CHCHD6: variants seen among roughly 807,000 people sequenced by gnomAD.
CHCHD6 encodes the protein coiled-coil-helix-coiled-coil-helix domain containing 6, also known as MICOS complex subunit MIC25.
A neutral mutation model predicts 32.3 loss-of-function variants in CHCHD6; 28 were observed. The observed-to-expected ratio is 0.87, with a 90% confidence interval of 0.64 to 1.19. The LOEUF is 1.19. Ranked by LOEUF, CHCHD6 falls within the 50% of genes most tolerant of loss-of-function variation. The probability of loss-of-function intolerance (pLI) is 0.00; values close to 1 mark genes in which losing one functional copy is unlikely to be tolerated. For synonymous variants in CHCHD6, 122 were observed against 117.5 expected, an observed-to-expected ratio of 1.04 and a Z score of -0.25; for missense variants, 333 against 307.0, an observed-to-expected ratio of 1.08 and a Z score of -0.63.
intron 4 of CHCHD6, among the ~76,000 whole-genome samples, chr3:126,823,904 A>AACAAAAACAC (rs1553742964): frequency 6.6e-6 from 1 of 151,228 alleles, no homozygotes; most frequent in Non-Finnish European, 1.5e-5. Context: ...CAAAAACAAA[A>AACAAAAACAC]ACACACACAC....
rs2272487 is a variant in CHCHD6, at chr3:126,733,094, G to T, written c.283G>T (p.Ala95Ser). The T allele has an allele frequency of 0.19, 306,230 of 1,613,712 alleles. 31,771 individuals carry two copies. Among genetic ancestry groups the T allele is most frequent in the South Asian group, 0.35 (31,567 of 91,056 alleles). ...TCTGCACAGGTATGAACAGGAGCAT[G>T]CTGCTATCCAGGATAAGCTCTTCCA... ...EGVKRYEQEH[A>S]AIQDKLFQVA... is the part of the protein sequence containing the mutation. The change falls in exon 4 of 8, where the codon GCT becomes TCT. Residue 95 changes from alanine (A) to serine (S), a missense_variant. By Grantham distance (99) the Ala-to-Ser change is moderately conservative (BLOSUM62 1). Coordinates refer to ENST00000290913, the MANE Select transcript of CHCHD6 (RefSeq NM_032343.3).
intron 6 of CHCHD6, among the ~76,000 whole-genome samples, chr3:126,944,156 G>A (rs945135369): frequency 3.3e-5 from 5 of 152,274 alleles, no homozygotes; most frequent in African/African-American, 1.2e-4. Context: ...GCGCTGAGCT[G>A]TGTTCAGGAA....
intron 4 of CHCHD6, among the ~76,000 whole-genome samples, chr3:126,790,042 T>G (rs1303252858): frequency 6.6e-6 from 1 of 152,158 alleles, no homozygotes; most frequent in East Asian, 1.9e-4. Context: ...TCTCTCAGCA[T>G]TTGCTTGTCT....
At chr3:126,876,005 AAT>A (rs1337885424) in intron 5 of CHCHD6, among the ~76,000 whole-genome samples, 1 of 152,234 alleles carries the variant, frequency 6.6e-6, no homozygotes. Context: ...CTTTCAGTAA[AAT>A]AAATAGAATA....
At chr3:126,889,671 G>A (rs1448529614) in intron 5 of CHCHD6, among the ~76,000 whole-genome samples, 1 of 152,244 alleles carries the variant, frequency 6.6e-6, no homozygotes, top group African/African-American at 2.4e-5. Flanking sequence ...AATCCTTGCT[G>A]CAGGGTATTC....
chr3:126,914,046 A>G (rs2078134016), intron 5 of CHCHD6, among the ~76,000 whole-genome samples: 1 of 152,136 alleles, frequency 6.6e-6, no homozygotes, highest in South Asian at 2.1e-4. Flanking sequence ...TGCTCCCCTT[A>G]ACAATCTGGA....
Position 126,798,366 on chromosome 3 carries a change from A to G in CHCHD6, c.412-54281A>G, listed in dbSNP as rs140005896. Among the ~76,000 whole-genome samples, 305 of 152,292 alleles carry G rather than the reference A, an allele frequency of 2.0e-3. 1 individual carries two copies. Among genetic ancestry groups the G allele is most frequent in the African/African-American group, 6.8e-3 (282 of 41,564 alleles). Reference sequence around the variant, plus strand: ...CCTGCTAAAACCTCACTGTTCTTCAAACAACAAAAGTGATTTCATTAGAGG... The same window carrying G: ...CCTGCTAAAACCTCACTGTTCTTCAGACAACAAAAGTGATTTCATTAGAGG... On this transcript the variant is annotated intron_variant, in intron 4 of 7. Transcript: ENST00000290913.
intron 6 of CHCHD6, among the ~76,000 whole-genome samples, chr3:126,939,016 A>C (rs192121349): frequency 5.9e-5 from 9 of 152,348 alleles, no homozygotes; most frequent in Admixed American, 1.3e-4. Flanking sequence ...GGTTCAGGCA[A>C]ACCTTGAAGC....
At chr3:126,944,421 T>C (rs1225391463) in intron 6 of CHCHD6, among the ~76,000 whole-genome samples, 9 of 152,284 alleles carry the variant, frequency 5.9e-5, no homozygotes, top group African/African-American at 2.2e-4. Context: ...ATCTGCTTCC[T>C]GCATAGTATT....
chr3:126,777,531 G>C (rs947567985), intron 4 of CHCHD6, among the ~76,000 whole-genome samples: 1 of 152,126 alleles, frequency 6.6e-6, no homozygotes, highest in Admixed American at 6.6e-5. Flanking sequence ...ATACCCTCTA[G>C]GAGACACACA....
chr3:126,870,632 T>G (rs997316291), intron 5 of CHCHD6, among the ~76,000 whole-genome samples: 1 of 152,214 alleles, frequency 6.6e-6, no homozygotes. Flanking sequence ...TCGGGCCACC[T>G]TAGTGTGCAC....
rs539511155 is a variant in CHCHD6, at chr3:126,932,109, G to A, written c.566+17359G>A. The stretch of plus-strand genomic sequence containing the variant: ...AAGAGCACGGAGGCTCCAGTGAGAT[G>A]TGCATTCCTCTTGTTGTCTTCTTTT... On this transcript the variant is annotated intron_variant, in intron 6 of 7. Coordinates refer to ENST00000290913, the MANE Select transcript of CHCHD6 (RefSeq NM_032343.3). Among the ~76,000 whole-genome samples, 12 of 152,318 alleles carry A rather than the reference G, an allele frequency of 7.9e-5. No homozygotes were observed. In the South Asian group the frequency reaches 1.9e-3, roughly 24 times the overall value.
intron 5 of CHCHD6, among the ~76,000 whole-genome samples, chr3:126,887,264 T>A (rs909337964): frequency 1.3e-5 from 2 of 151,916 alleles, no homozygotes; most frequent in African/African-American, 2.4e-5. Context: ...TTTTTTTTTT[T>A]AATCTATAGA....
chr3:126,942,975 G>C (rs2078582609), intron 6 of CHCHD6, among the ~76,000 whole-genome samples: 1 of 152,150 alleles, frequency 6.6e-6, no homozygotes, highest in Non-Finnish European at 1.5e-5. Context: ...GAGGCTCTTT[G>C]TAGGGCTCTC....
intron 5 of CHCHD6, among the ~76,000 whole-genome samples, chr3:126,858,148 G>C (rs73203693): frequency 0.037 from 5,588 of 152,256 alleles, 133 homozygotes; most frequent in Middle Eastern, 0.075. Context: ...CACTGCTGAG[G>C]AAAGCAGCCG....
At chr3:126,880,120 A>G (rs2077589530) in intron 5 of CHCHD6, among the ~76,000 whole-genome samples, 1 of 152,198 alleles carries the variant, frequency 6.6e-6, no homozygotes, top group East Asian at 1.9e-4. Flanking sequence ...TTCTCATGTG[A>G]CAATATACTA....
At chr3:126,804,493 C>G (rs1490363900) in intron 4 of CHCHD6, among the ~76,000 whole-genome samples, 2 of 152,232 alleles carry the variant, frequency 1.3e-5, no homozygotes, top group Non-Finnish European at 2.9e-5. Flanking sequence ...GACACATACA[C>G]CCTCCCAAGA....
intron 4 of CHCHD6, among the ~76,000 whole-genome samples, chr3:126,805,277 G>C (rs986881778): frequency 5.9e-5 from 9 of 152,204 alleles, no homozygotes; most frequent in African/African-American, 2.2e-4. Flanking sequence ...GTTTGCAGAC[G>C]ACATGATTGT....
At chr3:126,865,887 G>A (rs1213301175) in intron 5 of CHCHD6, among the ~76,000 whole-genome samples, 2 of 152,182 alleles carry the variant, frequency 1.3e-5, no homozygotes, top group Non-Finnish European at 2.9e-5. Flanking sequence ...GCCCTCCTGG[G>A]CCTTGCAACC....
Sources: allele counts gnomAD v4.1 joint callset (sites outside exome capture counted in the v4.1 genomes callset), GRCh38; gene constraint gnomAD v4.1.1; transcripts MANE v1.5; gene names NCBI Gene and HGNC (gene_info 2026-07-23, HGNC 2026-07-21).